Variants in PDGFC observed in about 807,000 individuals in gnomAD.
PDGFC encodes platelet-derived growth factor C.
A neutral mutation model predicts 35.5 loss-of-function variants in PDGFC; 12 were observed. That is an observed-to-expected ratio of 0.34 (90% CI 0.22 to 0.55). PDGFC has a LOEUF of 0.55. PDGFC is among the 20% of genes least tolerant of loss of function. The pLI is 0.91. For missense variants in PDGFC, 322 were observed against 412.4 expected (o/e 0.78, Z 1.90); for synonymous variants, 159 against 148.8 (o/e 1.07, Z -0.50).
rs1403317728 is a variant in PDGFC, at chr4:156,971,629, T to G, written c.-726A>C. Reference sequence around the variant, plus strand: ...CACGGATTCCGGCACCTGGCTTGAGTTTTCCGCGACCAAAGTTCACCTTGT... The same window carrying G: ...CACGGATTCCGGCACCTGGCTTGAGGTTTCCGCGACCAAAGTTCACCTTGT... On this transcript the variant is annotated 5_prime_UTR_variant, in exon 1 of 6. Coordinates refer to ENST00000502773, the MANE Select transcript of PDGFC (RefSeq NM_016205.3). 6.6e-6 allele frequency among the ~76,000 whole-genome samples: 1 copy of G among 151,184 alleles called. No homozygotes were observed. The highest frequency in any genetic ancestry group is 1.5e-5 in the Non-Finnish European group (1 of 67,712).
chr4:156,843,790 G>A (rs190426776), intron 2 of PDGFC, among the ~76,000 whole-genome samples: 1 of 152,236 alleles, frequency 6.6e-6, no homozygotes, highest in East Asian at 1.9e-4. Flanking sequence ...ACCCTCCCCA[G>A]TTCACTGTTT....
chr4:156,897,260 G>C (rs1008856471), intron 1 of PDGFC, among the ~76,000 whole-genome samples: 9 of 151,382 alleles, frequency 5.9e-5, no homozygotes, highest in Non-Finnish European at 1.3e-4. Context: ...TTCAACAAAA[G>C]AATTTGCTTG....
intron 2 of PDGFC, among the ~76,000 whole-genome samples, chr4:156,847,734 T>TCTCGTAAA (rs1239228772): frequency 1.8e-5 from 1 of 54,666 alleles, no homozygotes; most frequent in Non-Finnish European, 3.0e-5. Flanking sequence ...CTTTACAACA[T>TCTCGTAAA]TTTTTATACC....
intron 1 of PDGFC, among the ~76,000 whole-genome samples, chr4:156,903,729 G>A (rs1730848897): frequency 6.6e-6 from 1 of 152,136 alleles, no homozygotes. Flanking sequence ...CAATTAGTGT[G>A]TCTTCCCAAA....
At chr4:156,900,828 C>A (rs1458190661) in intron 1 of PDGFC, among the ~76,000 whole-genome samples, 1 of 149,404 alleles carries the variant, frequency 6.7e-6, no homozygotes, top group Non-Finnish European at 1.5e-5. Context: ...GAGAGAGACC[C>A]TGTCTCAAAA....
intron 2 of PDGFC, among the ~76,000 whole-genome samples, chr4:156,823,551 C>G (rs1200352814): frequency 6.6e-6 from 1 of 152,046 alleles, no homozygotes; most frequent in Non-Finnish European, 1.5e-5. Flanking sequence ...ATGCAAAGAT[C>G]ACTACTTTAA....
rs1268289359 is a variant in PDGFC, at chr4:156,832,227, T to C, written c.314+17994A>G. ...TCTTCCTTAAAAACAGGCCTCATTT[T>C]ATCATGCCACCTTCTTTCTTTCTTT... On this transcript the variant is annotated intron_variant, in intron 2 of 5. Coordinates refer to ENST00000502773, the MANE Select transcript of PDGFC (RefSeq NM_016205.3). 2.0e-5 allele frequency among the ~76,000 whole-genome samples: 3 copies of C among 149,342 alleles called. No individual in the cohort carries two copies. The East Asian group carries it at 5.9e-4, about 29-fold the overall frequency.
At chr4:156,930,284 G>C (rs1026398378) in intron 1 of PDGFC, among the ~76,000 whole-genome samples, 18 of 152,196 alleles carry the variant, frequency 1.2e-4, no homozygotes, top group African/African-American at 4.3e-4. Context: ...ATTTCAGGCA[G>C]TGGGAAGAGC....
chr4:156,933,360 G>C (rs2110883568), intron 1 of PDGFC, among the ~76,000 whole-genome samples: 1 of 152,260 alleles, frequency 6.6e-6, no homozygotes, highest in East Asian at 1.9e-4. Flanking sequence ...GGCATCTTTT[G>C]TGGTCGTTGG....
chr4:156,898,949 G>A (rs984854005), intron 1 of PDGFC, among the ~76,000 whole-genome samples: 1 of 152,200 alleles, frequency 6.6e-6, no homozygotes, highest in African/African-American at 2.4e-5. Context: ...GAGTCACTGA[G>A]CCCAGCCCCA....
intron 4 of PDGFC, among the ~76,000 whole-genome samples, chr4:156,770,995 T>C (rs1172204559): frequency 6.6e-6 from 1 of 152,170 alleles, no homozygotes; most frequent in Non-Finnish European, 1.5e-5. Flanking sequence ...GTTTTGTCTA[T>C]ATAGATGTTA....
At chr4:156,942,423 T>C (rs972818340) in intron 1 of PDGFC, among the ~76,000 whole-genome samples, 11 of 152,062 alleles carry the variant, frequency 7.2e-5, no homozygotes, top group African/African-American at 1.7e-4. Context: ...AATAAGCCTT[T>C]AAGATTCCAC....
At chr4:156,818,571 A>G (rs900364503) in intron 2 of PDGFC, among the ~76,000 whole-genome samples, 3 of 120,024 alleles carry the variant, frequency 2.5e-5, no homozygotes, top group African/African-American at 9.8e-5. Flanking sequence ...CCCAGGCTGG[A>G]GTGCAGTGGC....
chr4:156,968,306 G>C (rs1732512641), intron 1 of PDGFC, among the ~76,000 whole-genome samples: 1 of 152,168 alleles, frequency 6.6e-6, no homozygotes, highest in African/African-American at 2.4e-5. Context: ...GGACATTTCA[G>C]AGTTAGAGAA....
intron 3 of PDGFC, among the ~76,000 whole-genome samples, chr4:156,807,296 C>T (rs1197804390): frequency 2.6e-5 from 4 of 151,594 alleles, no homozygotes; most frequent in Non-Finnish European, 4.4e-5. Context: ...ATAACATATG[C>T]TAAAGTTATT....
At chr4:156,881,595 G>T (rs1319944071) in intron 1 of PDGFC, among the ~76,000 whole-genome samples, 1 of 152,078 alleles carries the variant, frequency 6.6e-6, no homozygotes, top group East Asian at 1.9e-4. Context: ...ACTTTGGGAG[G>T]CTGAGGCAGT....
Position 156,892,227 on chromosome 4 carries a change from T to C in PDGFC, c.119-41811A>G, listed in dbSNP as rs143074666. Among the ~76,000 whole-genome samples, 17 of 152,308 alleles carry C rather than the reference T, an allele frequency of 1.1e-4. No individual in the cohort carries two copies. The East Asian group carries it at 3.3e-3, about 29-fold the overall frequency. ...AGCACCAGTAAATGCTGGGAACCAA[T>C]AGTGGCAGATATTGTTGCAATAATC... On this transcript the variant is annotated intron_variant, in intron 1 of 5. Coordinates refer to ENST00000502773, the MANE Select transcript of PDGFC (RefSeq NM_016205.3).
chr4:156,959,243 C>T (rs1043696510), intron 1 of PDGFC, among the ~76,000 whole-genome samples: 6 of 151,954 alleles, frequency 3.9e-5, no homozygotes, highest in African/African-American at 9.7e-5. Flanking sequence ...TGGATTTCCA[C>T]GCACTAAACG....
At chr4:156,874,560 T>TA (rs1018508676) in intron 1 of PDGFC, among the ~76,000 whole-genome samples, 5 of 151,886 alleles carry the variant, frequency 3.3e-5, no homozygotes, top group African/African-American at 9.7e-5. Flanking sequence ...GAAATTGAAA[T>TA]AAAAAATGAA....
Sources: allele counts gnomAD v4.1 joint callset (sites outside exome capture counted in the v4.1 genomes callset), GRCh38; gene constraint gnomAD v4.1.1; transcripts MANE v1.5; gene names NCBI Gene and HGNC (gene_info 2026-07-23, HGNC 2026-07-21).